SGCZ: variants seen among roughly 807,000 people sequenced by gnomAD.
The protein encoded by SGCZ is sarcoglycan zeta.
A neutral mutation model predicts 41.3 loss-of-function variants in SGCZ; 40 were observed. The ratio of observed to expected loss-of-function variants is 0.97; its 90% confidence interval spans 0.75 to 1.26. The LOEUF is 1.26. Among genes scored for constraint, SGCZ ranks in the 50% most tolerant of loss-of-function variants. SGCZ has a pLI of 0.00. For synonymous variants in SGCZ, 206 were observed against 137.5 expected (o/e 1.50, Z -3.49); for missense variants, 552 against 369.8 (o/e 1.49, Z -4.04).
intron 1 of SGCZ, among the ~76,000 whole-genome samples, chr8:15,160,781 A>G (rs1314387714): frequency 6.6e-6 from 1 of 152,184 alleles, no homozygotes; most frequent in Non-Finnish European, 1.5e-5. Flanking sequence ...GTTGAGGGCC[A>G]CTGCATCCTC....
chr8:14,345,890 C>T (rs1414647496), intron 2 of SGCZ, among the ~76,000 whole-genome samples: 1 of 152,026 alleles, frequency 6.6e-6, no homozygotes, highest in African/African-American at 2.4e-5. Flanking sequence ...ATCATGAACA[C>T]AGTCAAAAGA....
chr8:14,104,797 C>A (rs878951191), intron 6 of SGCZ, among the ~76,000 whole-genome samples: 3 of 152,010 alleles, frequency 2.0e-5, no homozygotes, highest in Admixed American at 6.5e-5. Flanking sequence ...TTGGAGCCTG[C>A]AAACCTTAAT....
intron 1 of SGCZ, among the ~76,000 whole-genome samples, chr8:15,154,741 G>A (rs976600158): frequency 6.6e-6 from 1 of 152,156 alleles, no homozygotes; most frequent in Non-Finnish European, 1.5e-5. Flanking sequence ...CAAAAAATGG[G>A]AGTATTTAGT....
chr8:14,338,826 G>A (rs1802592812), intron 2 of SGCZ, among the ~76,000 whole-genome samples: 1 of 152,090 alleles, frequency 6.6e-6, no homozygotes, highest in South Asian at 2.1e-4. Flanking sequence ...AAATGTGTAT[G>A]TAAGTGCCCT....
chr8:14,542,583 A>G (rs539146280), intron 2 of SGCZ, among the ~76,000 whole-genome samples: 25 of 152,196 alleles, frequency 1.6e-4, no homozygotes, highest in African/African-American at 5.5e-4. Context: ...CACAGATTCT[A>G]TTTCCTATTT....
chr8:14,950,681 G>A (rs1488471912), intron 1 of SGCZ, among the ~76,000 whole-genome samples: 1 of 152,002 alleles, frequency 6.6e-6, no homozygotes, highest in Non-Finnish European at 1.5e-5. Flanking sequence ...AGGCACTCAT[G>A]TAGAAGCAAG....
intron 1 of SGCZ, among the ~76,000 whole-genome samples, chr8:14,800,881 T>C (rs1471145372): frequency 2.7e-5 from 4 of 149,242 alleles, no homozygotes; most frequent in Admixed American, 1.4e-4. Flanking sequence ...CTCACTCATA[T>C]ACCACACAAG....
At chr8:14,870,774 C>G (rs567699782) in intron 1 of SGCZ, among the ~76,000 whole-genome samples, 1 of 151,102 alleles carries the variant, frequency 6.6e-6, no homozygotes, top group Non-Finnish European at 1.5e-5. Flanking sequence ...AGAATACGAA[C>G]AGACACTTCA....
At chr8:14,595,039 T>C (rs527598200) in intron 1 of SGCZ, among the ~76,000 whole-genome samples, 1 of 150,544 alleles carries the variant, frequency 6.6e-6, no homozygotes, top group Non-Finnish European at 1.5e-5. Context: ...TCTAATACTT[T>C]TTGAATTATA....
At chr8:14,357,717 A>G (rs1391727808) in intron 2 of SGCZ, among the ~76,000 whole-genome samples, 1 of 152,168 alleles carries the variant, frequency 6.6e-6, no homozygotes, top group Non-Finnish European at 1.5e-5. Context: ...AATTCTCACA[A>G]CGTTAGCAAA....
intron 4 of SGCZ, among the ~76,000 whole-genome samples, chr8:14,221,855 G>A (rs1180041580): frequency 6.6e-6 from 1 of 151,968 alleles, no homozygotes; most frequent in African/African-American, 2.4e-5. Context: ...TGTAATCTCG[G>A]GAGACTGAGG....
chr8:14,319,837 G>A (rs2117021503), intron 3 of SGCZ, among the ~76,000 whole-genome samples: 1 of 152,128 alleles, frequency 6.6e-6, no homozygotes, highest in African/African-American at 2.4e-5. Context: ...AGGGAGTTAA[G>A]AAAAGCTGTC....
intron 5 of SGCZ, among the ~76,000 whole-genome samples, chr8:14,152,016 G>C (rs1212068246): frequency 6.6e-6 from 1 of 151,982 alleles, no homozygotes; most frequent in Non-Finnish European, 1.5e-5. Flanking sequence ...TTGCTATGTA[G>C]AGTTAGGCAC....
intron 1 of SGCZ, among the ~76,000 whole-genome samples, chr8:15,167,471 A>G (rs1029599441): frequency 1.3e-5 from 2 of 152,224 alleles, no homozygotes; most frequent in African/African-American, 4.8e-5. Context: ...TACCCAACTC[A>G]GGTGTTTGAG....
chr8:14,518,480 A>T (rs1802691254), intron 2 of SGCZ, among the ~76,000 whole-genome samples: 1 of 152,178 alleles, frequency 6.6e-6, no homozygotes, highest in South Asian at 2.1e-4. Context: ...CATGCCACTT[A>T]TTATAATGTG....
At chr8:14,776,586 C>T (rs544425243) in intron 1 of SGCZ, among the ~76,000 whole-genome samples, 3 of 149,646 alleles carry the variant, frequency 2.0e-5, no homozygotes, top group Non-Finnish European at 3.0e-5. Context: ...CTCAGCCTCC[C>T]GGGTTCAGGC....
Position 14,991,165 on chromosome 8 carries a change from T to C in SGCZ, c.39+246420A>G, listed in dbSNP as rs550158007. Reference sequence around the variant, plus strand: ...GTCATTTTTGTTTGCTTATTTTAAATCTTGTATGTGTATGATTTTCAGACA... The same window carrying C: ...GTCATTTTTGTTTGCTTATTTTAAACCTTGTATGTGTATGATTTTCAGACA... On this transcript the variant is annotated intron_variant, in intron 1 of 7. Transcript: ENST00000382080. Among the ~76,000 whole-genome samples, 17 of 152,322 alleles carry C rather than the reference T, an allele frequency of 1.1e-4. No homozygotes were observed. In the South Asian group the frequency reaches 3.1e-3, roughly 28 times the overall value.
At chr8:14,840,126 TA>T (rs1012539442) in intron 1 of SGCZ, among the ~76,000 whole-genome samples, 23 of 152,198 alleles carry the variant, frequency 1.5e-4, no homozygotes, top group African/African-American at 4.6e-4. Flanking sequence ...AAATGTTCAA[TA>T]AAATATTGTT....
At chr8:14,245,911 C>T (rs529560266) in intron 3 of SGCZ, among the ~76,000 whole-genome samples, 4 of 152,246 alleles carry the variant, frequency 2.6e-5, no homozygotes, top group South Asian at 2.1e-4. Flanking sequence ...CATCTCACAC[C>T]AGTTAGAATG....
Sources: allele counts gnomAD v4.1 joint callset (sites outside exome capture counted in the v4.1 genomes callset), GRCh38; gene constraint gnomAD v4.1.1; transcripts MANE v1.5; gene names NCBI Gene and HGNC (gene_info 2026-07-23, HGNC 2026-07-21).